Variants in ADAMTS14 observed in about 807,000 individuals in gnomAD.
ADAMTS14 encodes ADAM metallopeptidase with thrombospondin type 1 motif 14.
A neutral mutation model predicts 128.6 loss-of-function variants in ADAMTS14; 100 were observed. The ratio of observed to expected loss-of-function variants is 0.78; its 90% confidence interval spans 0.66 to 0.92. The LOEUF is 0.92. ADAMTS14 is among the 40% of genes least tolerant of loss of function. ADAMTS14 has a pLI of 0.00. For synonymous variants in ADAMTS14, 665 were observed against 653.8 expected, an observed-to-expected ratio of 1.02 and a Z score of -0.26; for missense variants, 1,562 against 1,658.6, an observed-to-expected ratio of 0.94 and a Z score of 1.01.
At chr10:70,725,725 G>C (rs1253043506) in intron 4 of ADAMTS14, among the ~76,000 whole-genome samples, 1 of 151,888 alleles carries the variant, frequency 6.6e-6, no homozygotes, top group Non-Finnish European at 1.5e-5. Flanking sequence ...ATGAATTTTG[G>C]GGCAACACCA....
chr10:70,711,279 T>C (rs983198006), intron 4 of ADAMTS14, among the ~76,000 whole-genome samples: 13 of 152,224 alleles, frequency 8.5e-5, no homozygotes, highest in African/African-American at 3.1e-4. Flanking sequence ...CATCCATGGC[T>C]GGAGACAAAA....
chr10:70,741,198 T>C, intron 12 of ADAMTS14, 36 bp downstream of exon 12: 1 of 1,602,928 alleles, frequency 6.2e-7, no homozygotes, highest in Non-Finnish European at 8.5e-7. Context: ...CTCCATGTCC[T>C]TAGGCATCTG....
chr10:70,751,729 T>C (rs1311261625), intron 17 of ADAMTS14, 83 bp downstream of exon 17: 7 of 1,508,892 alleles, frequency 4.6e-6, no homozygotes, highest in Middle Eastern at 2.1e-4. Flanking sequence ...TGATGTTGTC[T>C]CCATTTGATG....
chr10:70,689,533 A>G (rs1840122926), intron 2 of ADAMTS14, among the ~76,000 whole-genome samples: 1 of 145,332 alleles, frequency 6.9e-6, no homozygotes, highest in African/African-American at 2.4e-5. Context: ...TCTGGTACAG[A>G]ACGGGTCCTG....
rs56903140 is a variant in ADAMTS14 at position 70,731,064 on chromosome 10, C to CCACACACACACACACACA, written c.1102+825_1102+842dup. Among the ~76,000 whole-genome samples, 402 of 145,774 alleles carry CCACACACACACACACACA rather than the reference C, an allele frequency of 2.8e-3. 2 individuals carry two copies. Among genetic ancestry groups the CCACACACACACACACACA allele is most frequent in the African/African-American group, 9.2e-3 (371 of 40,466 alleles). ...GAAGCCCCAAATGTGGTTTTACACA[C>CCACACACACACACACACA]CACACACACACACACACACACACAC... On this transcript the variant is annotated intron_variant, in intron 6 of 21. Coordinates refer to ENST00000373207, the MANE Select transcript of ADAMTS14 (RefSeq NM_080722.4).
chr10:70,717,533 G>C (rs2132636958), intron 4 of ADAMTS14, among the ~76,000 whole-genome samples: 1 of 152,272 alleles, frequency 6.6e-6, no homozygotes. Context: ...GAAGAGGCAT[G>C]AGAACAGCTC....
In ADAMTS14 at chr10:70,738,967, C is replaced by T. The variant is rs142896753; in HGVS notation, c.1725C>T (p.Arg575=). 3.7e-6 allele frequency: 6 copies of T among 1,611,996 alleles called. No individual in the cohort carries two copies. Among genetic ancestry groups the T allele is most frequent in the Non-Finnish European group, 5.1e-6 (6 of 1,178,908 alleles). The change falls in exon 11 of 22, where the codon CGC becomes CGT. Residue 575 remains arginine, a synonymous_variant. Transcript: ENST00000373207. ...CATGTGGGGGCGGGGTGCGATCCCGCAGCCGGAGCTGCAACAACCCCTCGT... is the reference window on the plus strand; with the variant it reads ...CATGTGGGGGCGGGGTGCGATCCCGTAGCCGGAGCTGCAACAACCCCTCGT... ...SRSCGGGVRS[R]SRSCNNPSPA...
intron 21 of ADAMTS14, among the ~76,000 whole-genome samples, chr10:70,760,113 GC>G (rs1842570531): frequency 2.0e-5 from 3 of 152,188 alleles, no homozygotes; most frequent in South Asian, 2.1e-4. Flanking sequence ...CGCTGCTGCT[GC>G]TGCGTGTGGG....
intron 2 of ADAMTS14, among the ~76,000 whole-genome samples, chr10:70,694,003 C>A (rs538580039): frequency 1.4e-4 from 21 of 152,384 alleles, no homozygotes; most frequent in African/African-American, 4.6e-4. Context: ...CTCCTTCTTC[C>A]TGCCTGTCCC....
chr10:70,733,742 C>A (rs1008930435), intron 7 of ADAMTS14, 143 bp from the exon 8 acceptor site: 2 of 1,052,842 alleles, frequency 1.9e-6, no homozygotes, highest in South Asian at 1.7e-5. Context: ...CTCCCCACTA[C>A]GTGGTTGGAA....
chr10:70,742,762 G>T (rs1410202927), intron 12 of ADAMTS14, among the ~76,000 whole-genome samples: 1 of 152,162 alleles, frequency 6.6e-6, no homozygotes, highest in Non-Finnish European at 1.5e-5. Flanking sequence ...TTTTTTCTAA[G>T]AAGCACAGTA....
intron 12 of ADAMTS14, 56 bp from the exon 13 acceptor site, chr10:70,743,489 GTCC>G: frequency 6.3e-7 from 1 of 1,587,000 alleles, no homozygotes; most frequent in Non-Finnish European, 8.6e-7. Context: ...ATACTGATCT[GTCC>G]TGGGCCACTT....
chr10:70,755,701 C>T (rs1191939657), intron 19 of ADAMTS14, among the ~76,000 whole-genome samples: 6 of 152,044 alleles, frequency 3.9e-5, no homozygotes, highest in Admixed American at 1.3e-4. Flanking sequence ...AAAAATTAGC[C>T]GGGTGTGGTG....
intron 4 of ADAMTS14, among the ~76,000 whole-genome samples, chr10:70,718,862 T>C (rs1358850059): frequency 1.3e-5 from 2 of 151,930 alleles, no homozygotes; most frequent in Admixed American, 6.6e-5. Context: ...CTTCTTCTTT[T>C]TTTTTTAATT....
Position 70,738,995 on chromosome 10 carries a change from G to A in ADAMTS14, c.1748+5G>A, listed in dbSNP as rs1311164838. ...CCGGAGCTGCAACAACCCCTCGTGA[G>A]TGTGCTTGGCTAGGGTGGGGAGGGC... On this transcript the variant is annotated splice_donor_5th_base_variant and intron_variant, in intron 11 of 21. Coordinates refer to ENST00000373207, the MANE Select transcript of ADAMTS14 (RefSeq NM_080722.4). 6.2e-7 allele frequency: 1 copy of A among 1,603,226 alleles called. No homozygotes were observed. The highest frequency in any genetic ancestry group is 8.5e-7 in the Non-Finnish European group (1 of 1,174,440).
In ADAMTS14 at chr10:70,730,198, G is replaced by C; in HGVS notation, c.1051G>C (p.Glu351Gln). The C allele has an allele frequency of 6.2e-7, 1 of 1,614,082 alleles. No individual in the cohort carries two copies. Among genetic ancestry groups the C allele is most frequent in the Non-Finnish European group, 8.5e-7 (1 of 1,180,006 alleles). ...GCAGCGCCAGGACCCCAGCCACGCT[G>C]AGCACCATGACCACGTTGTGTTCCT... ...SQQRQDPSHA[E>Q]HHDHVVFLTR... is the part of the protein sequence containing the mutation. Residue 351 changes from glutamate (E) to glutamine (Q), a missense_variant, in exon 6 of 22, where the codon GAG becomes CAG. By Grantham distance (29) the Glu-to-Gln change is conservative. Transcript: ENST00000373207.
intron 4 of ADAMTS14, among the ~76,000 whole-genome samples, chr10:70,724,719 G>A (rs1254349305): frequency 6.6e-6 from 1 of 152,208 alleles, no homozygotes; most frequent in Non-Finnish European, 1.5e-5. Context: ...GGTGTGTGCA[G>A]ATGAGCGTAC....
At chr10:70,697,939 AC>A (rs1840384056) in intron 2 of ADAMTS14, among the ~76,000 whole-genome samples, 1 of 152,318 alleles carries the variant, frequency 6.6e-6, no homozygotes, top group African/African-American at 2.4e-5. Flanking sequence ...TCATTCAGCC[AC>A]ACACCTCCCA....
chr10:70,682,846 T>G (rs1839852198), intron 2 of ADAMTS14, among the ~76,000 whole-genome samples: 1 of 152,198 alleles, frequency 6.6e-6, no homozygotes, highest in Non-Finnish European at 1.5e-5. Context: ...TCCTTCAGTT[T>G]GCTGCTGGCC....
Sources: gnomAD v4.1 joint callset for allele counts (sites outside exome capture counted in the v4.1 genomes callset) on GRCh38, gnomAD v4.1.1 for gene constraint, MANE v1.5 for transcripts, NCBI Gene and HGNC (gene_info 2026-07-23, HGNC 2026-07-21) for gene names.